The following PTPRQ variants were observed in gnomAD, a reference collection of about 807,000 sequenced individuals.
PTPRQ encodes phosphatidylinositol phosphatase PTPRQ.
Under a neutral mutation model 246.0 loss-of-function variants are expected in PTPRQ, and 199 were observed. The observed-to-expected ratio is 0.81, with a 90% CI of 0.72 to 0.91. The LOEUF is 0.91. PTPRQ is among the 40% of genes least tolerant of loss of function. The pLI is 0.00. For synonymous variants in PTPRQ, 869 were observed against 853.2 expected (o/e 1.02, Z -0.32); for missense variants, 2,624 against 2,528.4 (o/e 1.04, Z -0.81).
chr12:80,663,651 A>G lies in PTPRQ; in HGVS notation c.6193-5356A>G, dbSNP rs145004929. 7.2e-5 allele frequency among the ~76,000 whole-genome samples: 11 copies of G among 152,112 alleles called. No homozygotes were observed. In the East Asian group the frequency reaches 2.1e-3, roughly 30 times the overall value. On this transcript the variant is annotated intron_variant, in intron 39 of 44. Transcript: ENST00000644991. ...CACTCTTCTGTCATAATTATTGATG[A>G]TGTCAAAATTCATATAAAATATTGA... is the stretch of plus-strand genomic sequence containing the variant.
At chr12:80,482,778 C>G (rs61950952) in intron 8 of PTPRQ, among the ~76,000 whole-genome samples, 1 of 150,036 alleles carries the variant, frequency 6.7e-6, no homozygotes, top group Non-Finnish European at 1.5e-5. Flanking sequence ...TGAAAAAATG[C>G]TTATCATCAC....
intron 24 of PTPRQ, among the ~76,000 whole-genome samples, chr12:80,548,913 C>T (rs767078218): frequency 6.6e-6 from 1 of 151,972 alleles, no homozygotes; most frequent in African/African-American, 2.4e-5. Context: ...ACTGAGACTC[C>T]TTAAATCTTC....
chr12:80,533,606 A>G (rs1251992156), intron 17 of PTPRQ, among the ~76,000 whole-genome samples: 1 of 152,006 alleles, frequency 6.6e-6, no homozygotes, highest in East Asian at 1.9e-4. Context: ...CGATATTTGA[A>G]GGATAGATTT....
At chr12:80,478,430 A>T (rs1452002512) in intron 8 of PTPRQ, among the ~76,000 whole-genome samples, 2 of 152,094 alleles carry the variant, frequency 1.3e-5, no homozygotes, top group African/African-American at 2.4e-5. Flanking sequence ...AAGATGGGGA[A>T]AAAACAGAAC....
chr12:80,530,890 A>G (rs1895824602), intron 17 of PTPRQ, among the ~76,000 whole-genome samples: 1 of 152,150 alleles, frequency 6.6e-6, no homozygotes, highest in South Asian at 2.1e-4. Flanking sequence ...TTGACTCAAG[A>G]AACACACAAT....
intron 17 of PTPRQ, among the ~76,000 whole-genome samples, chr12:80,523,202 T>C (rs1032168661): frequency 6.6e-6 from 1 of 152,176 alleles, no homozygotes; most frequent in African/African-American, 2.4e-5. Flanking sequence ...GTGGGATCGG[T>C]GGTGATATCC....
chr12:80,622,764 A>G (rs1899043887), intron 33 of PTPRQ, among the ~76,000 whole-genome samples: 1 of 152,092 alleles, frequency 6.6e-6, no homozygotes, highest in African/African-American at 2.4e-5. Flanking sequence ...TAATTTCTAT[A>G]AATCTGAGTT....
chr12:80,674,987 T>A (rs1901089822), intron 43 of PTPRQ, among the ~76,000 whole-genome samples: 1 of 152,268 alleles, frequency 6.6e-6, no homozygotes, highest in Non-Finnish European at 1.5e-5. Flanking sequence ...TAATCCACAG[T>A]CTCTTTGTAG....
rs574606142 is a variant in PTPRQ at position 80,550,072 on chromosome 12, G to C, written c.4285+338G>C. ...AACCTTTCATGTATATCTCTTTTTA[G>C]TCTTACTTGTTTTTATGGAATTCTA... On this transcript the variant is annotated intron_variant, in intron 25 of 44. Coordinates refer to ENST00000644991, the MANE Select transcript of PTPRQ (RefSeq NM_001145026.2). Among the ~76,000 whole-genome samples the C allele has an allele frequency of 9.9e-5, 15 of 152,090 alleles. 1 individual carries two copies. The South Asian group carries it at 2.9e-3, about 29-fold the overall frequency.
At chr12:80,457,039 G>T (rs1249845723) in intron 3 of PTPRQ, among the ~76,000 whole-genome samples, 1 of 151,820 alleles carries the variant, frequency 6.6e-6, no homozygotes, top group African/African-American at 2.4e-5. Context: ...TTCTATTCTA[G>T]TCTATTGGAA....
At chr12:80,662,662 A>G (rs1429214621) in intron 39 of PTPRQ, among the ~76,000 whole-genome samples, 1 of 152,004 alleles carries the variant, frequency 6.6e-6, no homozygotes, top group East Asian at 1.9e-4. Context: ...ATGGTAGTAG[A>G]TTCTACATTT....
At chr12:80,518,036 T>G (rs1448856939) in intron 17 of PTPRQ, among the ~76,000 whole-genome samples, 1 of 152,162 alleles carries the variant, frequency 6.6e-6, no homozygotes, top group Non-Finnish European at 1.5e-5. Flanking sequence ...AGCTCTATTT[T>G]TAGTTTTTTG....
chr12:80,530,200 A>G (rs937944532), intron 17 of PTPRQ, among the ~76,000 whole-genome samples: 1 of 151,918 alleles, frequency 6.6e-6, no homozygotes, highest in Non-Finnish European at 1.5e-5. Flanking sequence ...CTTTTTTTAT[A>G]CTGTGGTCAC....
intron 9 of PTPRQ, among the ~76,000 whole-genome samples, chr12:80,491,089 G>A (rs1894434581): frequency 6.6e-6 from 1 of 151,826 alleles, no homozygotes; most frequent in African/African-American, 2.4e-5. Flanking sequence ...AAAAGCATTC[G>A]GGTCAACTCT....
chr12:80,462,115 G>C lies in PTPRQ; in HGVS notation c.910+1213G>C, dbSNP rs553359096. On this transcript the variant is annotated intron_variant, in intron 6 of 44. Coordinates refer to ENST00000644991, the MANE Select transcript of PTPRQ (RefSeq NM_001145026.2). The stretch of plus-strand genomic sequence containing the variant: ...CAGGGAGTTCCCTTTCCTAGTCAAA[G>C]AAAGGGGTGACAGATGGCACCTGGA... The C allele has an allele frequency of 4.8e-4, 257 of 538,590 alleles. 1 individual carries two copies. The East Asian group carries it at 7.7e-3, about 16-fold the overall frequency. The allele number at this position is 538,590 out of a possible 1,614,324, so 33.4% of individuals were successfully genotyped here.
In PTPRQ at chr12:80,669,483, G is replaced by T. The variant is rs75566012; in HGVS notation, c.6453+19G>T. On this transcript the variant is annotated intron_variant, in intron 41 of 44. Coordinates refer to ENST00000644991, the MANE Select transcript of PTPRQ (RefSeq NM_001145026.2). ...TGAAAGGGTAAAAAAAAAAGGGGGG[G>T]ACGAGAGAACATGATATAAAATATG... The T allele has an allele frequency of 6.5e-6, 10 of 1,533,918 alleles. No homozygotes were observed. The East Asian group carries it at 9.8e-5, about 15-fold the overall frequency.
chr12:80,648,829 T>C, intron 35 of PTPRQ, 68 bp from the exon 36 acceptor site: 1 of 1,428,684 alleles, frequency 7.0e-7, no homozygotes, highest in Non-Finnish European at 9.3e-7. Flanking sequence ...CTGACTTTAA[T>C]CTACACTTCT....
intron 33 of PTPRQ, among the ~76,000 whole-genome samples, chr12:80,624,535 C>G (rs1354846699): frequency 2.0e-5 from 3 of 152,102 alleles, no homozygotes; most frequent in Non-Finnish European, 2.9e-5. Flanking sequence ...AAGGAACTTG[C>G]TTGGTTTGTA....
chr12:80,669,493 C>A (rs560663297), intron 41 of PTPRQ, 29 bp downstream of exon 41: 11 of 1,527,376 alleles, frequency 7.2e-6, no homozygotes, highest in Middle Eastern at 1.7e-4. Flanking sequence ...GACGAGAGAA[C>A]ATGATATAAA....
Sources: gnomAD v4.1 joint callset for allele counts (sites outside exome capture counted in the v4.1 genomes callset) on GRCh38, gnomAD v4.1.1 for gene constraint, MANE v1.5 for transcripts, NCBI Gene and HGNC (gene_info 2026-07-23, HGNC 2026-07-21) for gene names.